The following CCSER1 variants were observed in gnomAD, a reference collection of about 807,000 sequenced individuals.
CCSER1 encodes the protein serine-rich coiled-coil domain-containing protein 1.
Under a neutral mutation model 82.0 loss-of-function variants are expected in CCSER1, and 41 were observed. The observed-to-expected ratio is 0.50, with a 90% CI of 0.39 to 0.65. The LOEUF is 0.65. Among genes scored for constraint, CCSER1 ranks in the 30% least tolerant of loss-of-function variants. The pLI is 0.00. For missense variants in CCSER1, 1,119 were observed against 1,064.2 expected, an observed-to-expected ratio of 1.05 and a Z score of -0.72; for synonymous variants, 414 against 383.9, an observed-to-expected ratio of 1.08 and a Z score of -0.92.
chr4:90,473,733 ACT>A (rs1380019912), intron 5 of CCSER1, among the ~76,000 whole-genome samples: 2 of 152,232 alleles, frequency 1.3e-5, no homozygotes, highest in East Asian at 1.9e-4. Flanking sequence ...ACCTCTTTAG[ACT>A]CTCTAAAGTT....
chr4:90,651,624 A>G (rs1728758978), intron 6 of CCSER1, among the ~76,000 whole-genome samples: 1 of 152,042 alleles, frequency 6.6e-6, no homozygotes, highest in Admixed American at 6.6e-5. Context: ...CCACCATGGC[A>G]CGTGTATACC....
chr4:91,390,833 G>A (rs965642302), intron 10 of CCSER1, among the ~76,000 whole-genome samples: 3 of 151,888 alleles, frequency 2.0e-5, no homozygotes, highest in Admixed American at 6.6e-5. Context: ...CAAGGAATTA[G>A]TTCATTTTAT....
At chr4:90,843,943 A>G (rs143427447) in intron 8 of CCSER1, among the ~76,000 whole-genome samples, 5 of 151,988 alleles carry the variant, frequency 3.3e-5, no homozygotes, top group African/African-American at 1.2e-4. Context: ...TAAAATGTAT[A>G]TTTTTTATAT....
chr4:90,222,370 T>C (rs1742312185), intron 1 of CCSER1, among the ~76,000 whole-genome samples: 1 of 152,214 alleles, frequency 6.6e-6, no homozygotes, highest in African/African-American at 2.4e-5. Context: ...TGCCACCACA[T>C]TGAAACATTT....
chr4:91,085,407 T>G (rs1270643143), intron 9 of CCSER1, among the ~76,000 whole-genome samples: 3 of 152,104 alleles, frequency 2.0e-5, no homozygotes, highest in African/African-American at 4.8e-5. Context: ...TTAAGTATAG[T>G]GCTTATTAGG....
intron 6 of CCSER1, among the ~76,000 whole-genome samples, chr4:90,683,735 A>C (rs1734300725): frequency 6.6e-6 from 1 of 152,070 alleles, no homozygotes; most frequent in Non-Finnish European, 1.5e-5. Context: ...TACCTATTTA[A>C]ATCAAGAAAA....
chr4:91,482,586 A>G (rs1339689164), intron 10 of CCSER1, among the ~76,000 whole-genome samples: 2 of 151,998 alleles, frequency 1.3e-5, no homozygotes, highest in Non-Finnish European at 2.9e-5. Context: ...CAGCCATCCC[A>G]TTACTGGGTA....
At chr4:90,865,260 G>A (rs923322226) in intron 8 of CCSER1, among the ~76,000 whole-genome samples, 2 of 151,974 alleles carry the variant, frequency 1.3e-5, no homozygotes, top group Non-Finnish European at 2.9e-5. Context: ...AAAACCAAGT[G>A]CTTTTGCTAT....
intron 9 of CCSER1, among the ~76,000 whole-genome samples, chr4:91,036,981 G>T (rs1741488211): frequency 6.6e-6 from 1 of 152,098 alleles, no homozygotes; most frequent in Admixed American, 6.5e-5. Flanking sequence ...GGAGGCTCAG[G>T]TGGGAGAATC....
intron 10 of CCSER1, among the ~76,000 whole-genome samples, chr4:91,452,425 A>G (rs996537547): frequency 1.3e-5 from 2 of 151,984 alleles, no homozygotes; most frequent in Non-Finnish European, 2.9e-5. Flanking sequence ...GCTAATTTGT[A>G]TTGGGTACAC....
At chr4:90,502,528 G>C (rs900003958) in intron 5 of CCSER1, among the ~76,000 whole-genome samples, 1 of 152,088 alleles carries the variant, frequency 6.6e-6, no homozygotes, top group African/African-American at 2.4e-5. Flanking sequence ...ACAGCAAATT[G>C]TACATAAGAG....
chr4:90,898,160 G>C (rs1475753466), intron 8 of CCSER1, among the ~76,000 whole-genome samples: 1 of 146,784 alleles, frequency 6.8e-6, no homozygotes, highest in East Asian at 2.0e-4. Context: ...TTGCTTTTGA[G>C]TTCTTTATCA....
Position 90,492,497 on chromosome 4 carries a change from GC to G in CCSER1, c.1724+24144del, listed in dbSNP as rs1176340859. ...CTGGATTCATTGATTTTTTTGAAGGGCTTTTTGTGTCTCTATCTCCTTCAGT... is the reference window on the plus strand; with the variant it reads ...CTGGATTCATTGATTTTTTTGAAGGGTTTTTGTGTCTCTATCTCCTTCAGT... On this transcript the variant is annotated intron_variant, in intron 5 of 10. Transcript: ENST00000509176. 3.3e-5 allele frequency among the ~76,000 whole-genome samples: 5 copies of G among 151,978 alleles called. No individual in the cohort carries two copies. In the East Asian group the frequency reaches 9.7e-4, roughly 29 times the overall value.
intron 4 of CCSER1, among the ~76,000 whole-genome samples, chr4:90,440,849 T>A (rs1025664667): frequency 2.0e-5 from 3 of 152,156 alleles, no homozygotes; most frequent in Non-Finnish European, 1.5e-5. Context: ...TCTTAGCTCA[T>A]AACAAGACCA....
intron 10 of CCSER1, among the ~76,000 whole-genome samples, chr4:91,153,652 T>C (rs767394623): frequency 6.6e-5 from 10 of 151,990 alleles, no homozygotes; most frequent in Admixed American, 1.3e-4. Context: ...TATCTACCAT[T>C]GGTCTTTGAT....
intron 8 of CCSER1, among the ~76,000 whole-genome samples, chr4:90,840,759 T>A (rs1239225471): frequency 1.3e-5 from 2 of 152,322 alleles, no homozygotes; most frequent in Non-Finnish European, 2.9e-5. Context: ...TACTCTTTTT[T>A]TTTTTAATAG....
intron 10 of CCSER1, among the ~76,000 whole-genome samples, chr4:91,422,736 C>T (rs922473241): frequency 6.6e-6 from 1 of 152,046 alleles, no homozygotes; most frequent in Non-Finnish European, 1.5e-5. Context: ...GGATCCTGCA[C>T]GTTGCCTTTA....
At chr4:91,069,320 G>A (rs965710482) in intron 9 of CCSER1, among the ~76,000 whole-genome samples, 9 of 151,902 alleles carry the variant, frequency 5.9e-5, no homozygotes, top group Admixed American at 4.6e-4. Context: ...TTTGCCCAAG[G>A]TTAGCGAGAG....
chr4:90,152,281 C>G (rs1310237867), intron 1 of CCSER1, among the ~76,000 whole-genome samples: 1 of 152,156 alleles, frequency 6.6e-6, no homozygotes, highest in Non-Finnish European at 1.5e-5. Flanking sequence ...AGAAGAGACA[C>G]TGACCCAGTA....
Sources: allele counts gnomAD v4.1 joint callset (sites outside exome capture counted in the v4.1 genomes callset), GRCh38; gene constraint gnomAD v4.1.1; transcripts MANE v1.5; gene names NCBI Gene and HGNC (gene_info 2026-07-23, HGNC 2026-07-21).